Variants in MPP4 observed in about 807,000 individuals in gnomAD.
MPP4 encodes MAGUK p55 subfamily member 4.
A neutral mutation model predicts 98.3 loss-of-function variants in MPP4; 91 were observed. The observed-to-expected ratio is 0.93, with a 90% CI of 0.78 to 1.10. The LOEUF (loss-of-function observed/expected upper bound fraction) is 1.10. MPP4 is among the 50% of genes least tolerant of loss of function. The pLI is 0.00. For synonymous variants in MPP4, 261 were observed against 271.8 expected (o/e 0.96, Z 0.39); for missense variants, 744 against 792.9 (o/e 0.94, Z 0.74).
intron 16 of MPP4, 64 bp downstream of exon 16, chr2:201,658,413 G>A: frequency 8.0e-6 from 11 of 1,381,186 alleles, no homozygotes; most frequent in Non-Finnish European, 1.1e-5. Flanking sequence ...TCAAAACAGT[G>A]TCAGGTTTGG....
intron 2 of MPP4, 101 bp from the exon 3 acceptor site, chr2:201,693,130 G>GA: frequency 1.5e-6 from 2 of 1,343,578 alleles, no homozygotes; most frequent in Non-Finnish European, 2.0e-6. Flanking sequence ...ACCAGGAGTG[G>GA]AAATGACACT....
intron 1 of MPP4, among the ~76,000 whole-genome samples, chr2:201,697,201 T>C (rs1350638155): frequency 6.6e-6 from 1 of 152,196 alleles, no homozygotes; most frequent in Non-Finnish European, 1.5e-5. Flanking sequence ...ATCCCAATCT[T>C]CAACTTCCAG....
chr2:201,675,733 C>CTTCA (rs1171722105), intron 10 of MPP4, among the ~76,000 whole-genome samples: 1 of 152,218 alleles, frequency 6.6e-6, no homozygotes, highest in Admixed American at 6.5e-5. Context: ...CAGGGCAAGG[C>CTTCA]TTCACCTTTT....
chr2:201,651,299 T>C, intron 18 of MPP4: 5 of 985,404 alleles, frequency 5.1e-6, no homozygotes, highest in Non-Finnish European at 6.0e-6. Flanking sequence ...TTTTTGTTTT[T>C]TCCTTATTCA....
intron 16 of MPP4, among the ~76,000 whole-genome samples, chr2:201,656,645 T>C (rs1687855244): frequency 6.6e-6 from 1 of 152,128 alleles, no homozygotes; most frequent in Non-Finnish European, 1.5e-5. Context: ...AATCTACATT[T>C]TGTAGAAGAA....
At position 201,664,126 on chromosome 2, in the gene MPP4, A is replaced by G. The variant is rs1243352151; in HGVS notation, c.1052-25T>C. On this transcript the variant is annotated intron_variant, in intron 13 of 21. Transcript: ENST00000409474. ...TCTATGATTTTTCATGGAGGCAAAA[A>G]TCAAAAATGTTATTACATGACCATC... 7.2e-6 allele frequency: 11 copies of G among 1,533,918 alleles called. No homozygotes were observed. In the South Asian group the frequency reaches 1.3e-4, roughly 19 times the overall value.
intron 15 of MPP4, among the ~76,000 whole-genome samples, chr2:201,658,959 C>T (rs539805446): frequency 1.6e-4 from 24 of 152,254 alleles, no homozygotes; most frequent in Middle Eastern, 3.4e-3. Context: ...TGCAATGGCA[C>T]GATCTCGGCC....
intron 2 of MPP4, 41 bp downstream of exon 2, chr2:201,693,835 A>G: frequency 6.2e-7 from 1 of 1,607,564 alleles, no homozygotes; most frequent in Non-Finnish European, 8.5e-7. Context: ...CAGAGGTGAT[A>G]TTACTTTCTG....
intron 16 of MPP4, among the ~76,000 whole-genome samples, chr2:201,657,587 C>CTTGTTTTT (rs1687883906): frequency 1.5e-5 from 1 of 66,274 alleles, no homozygotes; most frequent in African/African-American, 4.9e-5. Context: ...AACCCTGGCC[C>CTTGTTTTT]TTGTTTTTTT....
rs1574632620 is a variant in MPP4, at chr2:201,685,033, G to C, written c.574+31C>G. On this transcript the variant is annotated intron_variant, in intron 7 of 21. Coordinates refer to ENST00000409474, the MANE Select transcript of MPP4 (RefSeq NM_033066.3). ...CAGTCAAGGGTTTCCTGTTTTTCTGGTAACTCTCAATCCCAGCTGCTCCAG... is the reference window on the plus strand; with the variant it reads ...CAGTCAAGGGTTTCCTGTTTTTCTGCTAACTCTCAATCCCAGCTGCTCCAG... 4 of 1,586,218 alleles carry C rather than the reference G, an allele frequency of 2.5e-6. 1 individual carries two copies. Among genetic ancestry groups the C allele is most frequent in the South Asian group, 2.3e-5 (2 of 87,248 alleles).
At chr2:201,647,126 A>G (rs201626364) in intron 21 of MPP4, among the ~76,000 whole-genome samples, 1 of 40,072 alleles carries the variant, frequency 2.5e-5, no homozygotes, top group Admixed American at 2.7e-4. Context: ...ACGCAACCGG[A>G]AAAAAAATCA....
chr2:201,661,481 G>A (rs989914660), intron 14 of MPP4: 7 of 456,478 alleles, frequency 1.5e-5, no homozygotes, highest in Admixed American at 2.4e-5. Flanking sequence ...GGTTCAGAAC[G>A]TATCGATGCT....
intron 12 of MPP4, 78 bp downstream of exon 12, chr2:201,669,655 A>C: frequency 2.2e-5 from 23 of 1,026,486 alleles, no homozygotes; most frequent in South Asian, 8.7e-5. Flanking sequence ...GAACTGAATT[A>C]AAGTGAATTC....
intron 17 of MPP4, 115 bp downstream of exon 17, chr2:201,656,083 T>C (rs1687838295): frequency 8.5e-7 from 1 of 1,173,560 alleles, no homozygotes; most frequent in East Asian, 2.7e-5. Context: ...AAAAAGGTAT[T>C]TGTATGGGGG....
intron 18 of MPP4, 55 bp from the exon 19 acceptor site, chr2:201,650,220 A>G (rs1163421887): frequency 1.3e-6 from 2 of 1,521,716 alleles, no homozygotes; most frequent in African/African-American, 1.4e-5. Context: ...TTTGATTACC[A>G]ATATGCATTT....
At chr2:201,664,131 A>C in intron 13 of MPP4, 30 bp from the exon 14 acceptor site, 1 of 1,532,116 alleles carries the variant, frequency 6.5e-7, no homozygotes, top group East Asian at 2.4e-5. Flanking sequence ...CAAAAATCAA[A>C]AATGTTATTA....
chr2:201,661,432 G>C, intron 14 of MPP4: 1 of 456,492 alleles, frequency 2.2e-6, no homozygotes, highest in South Asian at 1.5e-5. Flanking sequence ...ATGCCAGCTG[G>C]GTGCTAACTG....
chr2:201,665,394 AAT>A (rs1038332690), intron 13 of MPP4: 2 of 152,146 alleles, frequency 1.3e-5, no homozygotes, highest in African/African-American at 4.8e-5. Flanking sequence ...ATGTGCACAG[AAT>A]ATGTCTGGGG....
intron 14 of MPP4, 107 bp from the exon 15 acceptor site, chr2:201,660,453 C>T (rs987624352): frequency 1.3e-5 from 15 of 1,186,218 alleles, no homozygotes; most frequent in Non-Finnish European, 1.9e-5. Flanking sequence ...ACGTGCACGT[C>T]ACCACTAGCA....
Sources: allele counts gnomAD v4.1 joint callset (sites outside exome capture counted in the v4.1 genomes callset), GRCh38; gene constraint gnomAD v4.1.1; transcripts MANE v1.5; gene names NCBI Gene and HGNC (gene_info 2026-07-23, HGNC 2026-07-21).